The following GSTA2 variants were observed in gnomAD, a reference collection of about 807,000 sequenced individuals.
GSTA2 encodes the protein glutathione S-transferase A2.
In GSTA2, 27 loss-of-function variants were observed where a neutral mutation model predicts 22.4. The observed-to-expected ratio is 1.21, with a 90% CI of 0.89 to 1.67. The LOEUF is 1.67. Ranked by LOEUF, GSTA2 falls within the 40% of genes most tolerant of loss-of-function variation. GSTA2 has a pLI of 0.00. For synonymous variants in GSTA2, 121 were observed against 86.8 expected (o/e 1.39, Z -2.19); for missense variants, 302 against 260.2 (o/e 1.16, Z -1.11).
chr6:52,758,773 A>G (rs1292303976), intron 1 of GSTA2, among the ~76,000 whole-genome samples: 5 of 152,214 alleles, frequency 3.3e-5, no homozygotes, highest in Non-Finnish European at 4.4e-5. Context: ...TATAAGCTGG[A>G]AGAAGAGATG....
intron 4 of GSTA2, among the ~76,000 whole-genome samples, chr6:52,754,478 TA>T (rs2127286663): frequency 6.6e-6 from 1 of 152,302 alleles, no homozygotes; most frequent in Admixed American, 6.5e-5. Context: ...CCAGTTGATA[TA>T]ATTGGTTGGT....
Position 52,750,702 on chromosome 6 carries a change from G to C in GSTA2, c.547-3C>G, listed in dbSNP as rs368260050. On this transcript the variant is annotated splice_region_variant and splice_polypyrimidine_tract_variant and intron_variant, in intron 6 of 6. Coordinates refer to ENST00000493422, the MANE Select transcript of GSTA2 (RefSeq NM_000846.5). Reference sequence around the variant, plus strand: ...TTACTGATTCTGGTTTTCAGGGCCTGTAATCCACAAAGCACAGCCTCACTA... The same window carrying C: ...TTACTGATTCTGGTTTTCAGGGCCTCTAATCCACAAAGCACAGCCTCACTA... The C allele has an allele frequency of 3.1e-6, 5 of 1,612,122 alleles. No individual in the cohort carries two copies. The African/African-American group carries it at 6.7e-5, about 22-fold the overall frequency.
chr6:52,759,680 G>A (rs1430619197), intron 1 of GSTA2, among the ~76,000 whole-genome samples: 1 of 132,464 alleles, frequency 7.5e-6, no homozygotes, highest in Admixed American at 9.5e-5. Flanking sequence ...AGCTTCCCAG[G>A]TTCAAGTGAT....
rs889339880 is a variant in GSTA2 at position 52,755,027 on chromosome 6, A to G, written c.188T>C (p.Met63Thr). 2 of 1,614,000 alleles carry G rather than the reference A, an allele frequency of 1.2e-6. No homozygotes were observed. The highest frequency in any genetic ancestry group is 3.3e-5 in the Admixed American group (2 of 59,992). Reference protein sequence around the residue: ...QQVPMVEIDGMKLVQTRAILN... With the variant: ...QQVPMVEIDGTKLVQTRAILN... ...AATGGCTCTGGTCTGCACCAGCTTC[A>G]TCCCATCAATCTCAACCATTGGCAC... is the stretch of plus-strand genomic sequence containing the variant. The change falls in exon 4 of 7, where the codon ATG becomes ACG. Residue 63 changes from methionine to threonine, a missense_variant. Met to Thr is a moderately conservative substitution (Grantham distance 81). Transcript: ENST00000493422.
chr6:52,755,145 G>T, intron 3 of GSTA2, 70 bp from the exon 4 acceptor site: 1 of 1,580,544 alleles, frequency 6.3e-7, no homozygotes, highest in Admixed American at 1.8e-5. Flanking sequence ...GAAAAAAAAT[G>T]GTTGTTGAAA....
rs753849765 is a variant in GSTA2, at chr6:52,752,989, A to T, written c.279T>A (p.Asp93Glu). The T allele has an allele frequency of 6.3e-7, 1 of 1,595,674 alleles. No homozygotes were observed. ...AATCTGCTATACCTTCTATATACAT[A>T]TCAATCCTGAAAGACAAAAACAACC... is the stretch of plus-strand genomic sequence containing the variant. ...GKDIKEKALI[D>E]MYIEGIADLG... Residue 93 changes from aspartate (D) to glutamate (E), a missense_variant, in exon 5 of 7, where the codon GAT becomes GAA. Transcript: ENST00000493422.
Position 52,758,173 on chromosome 6 carries a change from A to C in GSTA2, c.-30-196T>G, listed in dbSNP as rs564298110. Among the ~76,000 whole-genome samples the C allele has an allele frequency of 3.3e-5, 5 of 152,220 alleles. No homozygotes were observed. The East Asian group carries it at 9.7e-4, about 29-fold the overall frequency. On this transcript the variant is annotated intron_variant, in intron 1 of 6. Coordinates refer to ENST00000493422, the MANE Select transcript of GSTA2 (RefSeq NM_000846.5). ...AGTGGCCACCCTCAGATTCCAGCAA[A>C]CCAGTCTCAAGTTTTCACTGTTTAA...
Position 52,762,035 on chromosome 6 carries a change from G to A in GSTA2, c.-31+1409C>T, listed in dbSNP as rs1282522329. Among the ~76,000 whole-genome samples, 4 of 145,704 alleles carry A rather than the reference G, an allele frequency of 2.7e-5. 1 individual carries two copies. The highest frequency in any genetic ancestry group is 2.1e-4 in the Admixed American group (2 of 9,582). ...ATGGATTTAGGGCTATGGAGGATGT[G>A]CTTTGTAAACAAATGCCTGAAGGCA... On this transcript the variant is annotated intron_variant, in intron 1 of 6. Transcript: ENST00000493422.
At chr6:52,751,296 A>T (rs1055512840) in intron 6 of GSTA2, among the ~76,000 whole-genome samples, 3 of 152,184 alleles carry the variant, frequency 2.0e-5, no homozygotes, top group African/African-American at 7.2e-5. Flanking sequence ...CAGAAACCAC[A>T]CTGAAATAGA....
rs1422162102 is a variant in GSTA2 at position 52,758,009 on chromosome 6, A to C, written c.-30-32T>G. 1.5e-5 allele frequency: 18 copies of C among 1,237,678 alleles called. No individual in the cohort carries two copies. The East Asian group carries it at 2.8e-4, about 19-fold the overall frequency. 76.7% of individuals were successfully genotyped at this position (1,237,678 alleles called of 1,614,324 possible). ...GAATGAATGAATGAATGAATGAATA[A>C]TTGAAACGATAGAATCAAAAATGTA... On this transcript the variant is annotated intron_variant, in intron 1 of 6. Coordinates refer to ENST00000493422, the MANE Select transcript of GSTA2 (RefSeq NM_000846.5).
chr6:52,757,850 T>G lies in GSTA2; in HGVS notation c.87+11A>C, dbSNP rs776880388. 4 of 1,610,460 alleles carry G rather than the reference T, an allele frequency of 2.5e-6. No homozygotes were observed. The highest frequency in any genetic ancestry group is 3.4e-6 in the Non-Finnish European group (4 of 1,176,784). ...TAAATCTGACTTAAGATGACCTAACTCAGAACCTACCTCTACTCCAGCTGC... is the reference window on the plus strand; with the variant it reads ...TAAATCTGACTTAAGATGACCTAACGCAGAACCTACCTCTACTCCAGCTGC... On this transcript the variant is annotated intron_variant, in intron 2 of 6. Transcript: ENST00000493422.
At position 52,755,057 on chromosome 6, in the gene GSTA2, T is replaced by C. The variant is rs1374263261; in HGVS notation, c.158A>G (p.Gln53Arg). The C allele has an allele frequency of 1.9e-6, 3 of 1,614,066 alleles. No individual in the cohort carries two copies. The highest frequency in any genetic ancestry group is 8.5e-7 in the Non-Finnish European group (1 of 1,180,016). The change falls in exon 4 of 7, where the codon CAG becomes CGG. Residue 53 changes from glutamine (Q) to arginine (R), a missense_variant. Transcript: ENST00000493422. ...ATCAATCTCAACCATTGGCACTTGC[T>C]GGAACATCAAATATCCATCTTTAAG... ...KLRNDGYLMF[Q>R]QVPMVEIDGM...
In GSTA2 at chr6:52,755,011, G is replaced by A; in HGVS notation, c.204C>T (p.Thr68=). 1 of 1,613,992 alleles carries A rather than the reference G, an allele frequency of 6.2e-7. No homozygotes were observed. Among genetic ancestry groups the A allele is most frequent in the Non-Finnish European group, 8.5e-7 (1 of 1,180,016 alleles). The change falls in exon 4 of 7, where the codon ACC becomes ACT. Residue 68 remains threonine, a synonymous_variant. Transcript: ENST00000493422. ...TGGCAATGTAGTTGAGAATGGCTCT[G>A]GTCTGCACCAGCTTCATCCCATCAA... ...VEIDGMKLVQ[T]RAILNYIASK...
At chr6:52,753,020 G>T (rs370446598) in intron 4 of GSTA2, 25 bp from the exon 5 acceptor site, 19 of 1,574,032 alleles carry the variant, frequency 1.2e-5, no homozygotes, top group Admixed American at 1.9e-5. Context: ...CAACCAAATG[G>T]TCAAATATCT....
intron 1 of GSTA2, among the ~76,000 whole-genome samples, chr6:52,759,969 T>C (rs1466667197): frequency 1.3e-5 from 2 of 152,150 alleles, no homozygotes; most frequent in Non-Finnish European, 2.9e-5. Flanking sequence ...AATATGGGAG[T>C]CAATAGTTTA....
At position 52,761,290 on chromosome 6, in the gene GSTA2, A is replaced by G. The variant is rs181086966; in HGVS notation, c.-31+2154T>C. Among the ~76,000 whole-genome samples, 168 of 152,254 alleles carry G rather than the reference A, an allele frequency of 1.1e-3. 1 individual carries two copies. Among genetic ancestry groups the G allele is most frequent in the Admixed American group, 2.4e-3 (37 of 15,298 alleles). ...TCTTCTTTCTTTGATCTATCTATCC[A>G]CCAATTATTTTACCAACCAACAATC... is the stretch of plus-strand genomic sequence containing the variant. On this transcript the variant is annotated intron_variant, in intron 1 of 6. Transcript: ENST00000493422.
At chr6:52,751,494 C>G in intron 6 of GSTA2, 83 bp downstream of exon 6, 1 of 1,606,740 alleles carries the variant, frequency 6.2e-7, no homozygotes, top group Non-Finnish European at 8.5e-7. Context: ...GGGGTCAAAA[C>G]ATGCTCAGTC....
rs185175806 is a variant in GSTA2, at chr6:52,761,297, A to G, written c.-31+2147T>C. 9.5e-4 allele frequency among the ~76,000 whole-genome samples: 145 copies of G among 152,174 alleles called. 1 individual carries two copies. The highest frequency in any genetic ancestry group is 3.4e-3 in the African/African-American group (140 of 41,522). Reference sequence around the variant, plus strand: ...TCTTTGATCTATCTATCCACCAATTATTTTACCAACCAACAATCTATGTAC... The same window carrying G: ...TCTTTGATCTATCTATCCACCAATTGTTTTACCAACCAACAATCTATGTAC... On this transcript the variant is annotated intron_variant, in intron 1 of 6. Coordinates refer to ENST00000493422, the MANE Select transcript of GSTA2 (RefSeq NM_000846.5).
In GSTA2 at chr6:52,750,498, A is replaced by G. The variant is rs533290972; in HGVS notation, c.*79T>C. 2 of 1,388,634 alleles carry G rather than the reference A, an allele frequency of 1.4e-6. No homozygotes were observed. Among genetic ancestry groups the G allele is most frequent in the African/African-American group, 1.5e-5 (1 of 68,954 alleles). The allele number at this position is 1,388,634 out of a possible 1,614,324, so 86.0% of individuals were successfully genotyped here. A position where few individuals can be genotyped will look rare whatever the true frequency, so the allele number is the denominator to read the frequency against. On this transcript the variant is annotated 3_prime_UTR_variant, in exon 7 of 7. Coordinates refer to ENST00000493422, the MANE Select transcript of GSTA2 (RefSeq NM_000846.5). Reference sequence around the variant, plus strand: ...ATTAGCTTCACAACAGGCACAATCAACACTTAGGTAAAGCACTTAATTGTT... The same window carrying G: ...ATTAGCTTCACAACAGGCACAATCAGCACTTAGGTAAAGCACTTAATTGTT...
Sources: gnomAD v4.1 joint callset for allele counts (sites outside exome capture counted in the v4.1 genomes callset) on GRCh38, gnomAD v4.1.1 for gene constraint, MANE v1.5 for transcripts, NCBI Gene and HGNC (gene_info 2026-07-23, HGNC 2026-07-21) for gene names.